GARIN1B: variants seen among roughly 807,000 people sequenced by gnomAD.
The protein encoded by GARIN1B is Golgi-associated RAB2 interactor protein 1B.
At chr7:128,713,570 T>G in the GARIN1B span, among the ~76,000 whole-genome samples, 1 of 152,180 alleles carries the variant, frequency 6.6e-6, no homozygotes, top group African/African-American at 2.4e-5. Context: ...GAGCCTAGGC[T>G]TCCCAAAGCA....
At chr7:128,720,263 A>G in the GARIN1B span, among the ~76,000 whole-genome samples, 1 of 151,170 alleles carries the variant, frequency 6.6e-6, no homozygotes, top group Non-Finnish European at 1.5e-5. Context: ...CAATGGCACA[A>G]TCTTAGCTCA....
At chr7:128,725,371 TTCCTTCC>T in the GARIN1B span, among the ~76,000 whole-genome samples, 1 of 151,502 alleles carries the variant, frequency 6.6e-6, no homozygotes, top group East Asian at 1.9e-4. Flanking sequence ...CCTTCCTTCC[TTCCTTCC>T]TTTTTCTTTC....
At chr7:128,727,903 A>G in the GARIN1B span, among the ~76,000 whole-genome samples, 2 of 152,176 alleles carry the variant, frequency 1.3e-5, no homozygotes, top group Admixed American at 1.3e-4. Flanking sequence ...TTCTTCAGTG[A>G]ATACTAAATT....
At chr7:128,731,124 C>T in the GARIN1B span, 36 of 1,609,168 alleles carry the variant, frequency 2.2e-5, no homozygotes, top group Middle Eastern at 1.6e-4. Flanking sequence ...GCCACCCTTC[C>T]GCACTGGGGA....
chr7:128,721,816 G>A, the GARIN1B span, among the ~76,000 whole-genome samples: 27 of 151,936 alleles, frequency 1.8e-4, no homozygotes, highest in African/African-American at 6.5e-4. Flanking sequence ...ATCATGAATG[G>A]GTATTAGATT....
chr7:128,721,691 T>A, the GARIN1B span, among the ~76,000 whole-genome samples: 1 of 152,204 alleles, frequency 6.6e-6, no homozygotes, highest in African/African-American at 2.4e-5. Flanking sequence ...AAACATTCAG[T>A]TTTTTGCTGT....
chr7:128,724,954 G>A, the GARIN1B span: 1 of 1,081,788 alleles, frequency 9.2e-7, no homozygotes. Context: ...TGGGGGCTCA[G>A]TCTTCAGATC....
chr7:128,718,956 T>A, the GARIN1B span: 8 of 1,614,082 alleles, frequency 5.0e-6, no homozygotes, highest in African/African-American at 1.1e-4. Context: ...GAGACTGTCT[T>A]CCACTTCTGG....
chr7:128,715,817 C>A, the GARIN1B span: 1 of 875,932 alleles, frequency 1.1e-6, no homozygotes, highest in Non-Finnish European at 1.8e-6. Context: ...GCTAGTGGAC[C>A]TGGAATGCAA....
the GARIN1B span, chr7:128,731,003 C>T: frequency 8.6e-7 from 1 of 1,163,012 alleles, no homozygotes. Context: ...AGATAGTTGA[C>T]AATTTTTTTA....
the GARIN1B span, among the ~76,000 whole-genome samples, chr7:128,711,656 CAG>C: frequency 0.028 from 2,263 of 80,208 alleles, 45 homozygotes; most frequent in East Asian, 0.12. Flanking sequence ...TTTGGTTTTA[CAG>C]ACACACACAC....
At chr7:128,731,165 T>C in the GARIN1B span, 209 of 1,521,476 alleles carry the variant, frequency 1.4e-4, 1 homozygote, top group East Asian at 2.3e-3. Context: ...AACACCACTT[T>C]GCAGCATTCA....
the GARIN1B span, chr7:128,725,020 G>T: frequency 6.9e-5 from 34 of 494,858 alleles, no homozygotes; most frequent in African/African-American, 6.4e-4. Flanking sequence ...GATCCAATGA[G>T]CTCATATGCA....
the GARIN1B span, among the ~76,000 whole-genome samples, chr7:128,714,304 C>T: frequency 1.3e-5 from 2 of 152,140 alleles, no homozygotes; most frequent in Non-Finnish European, 2.9e-5. Context: ...GGGACAGACA[C>T]AGTGGCTCAT....
the GARIN1B span, among the ~76,000 whole-genome samples, chr7:128,724,487 A>G: frequency 6.6e-6 from 1 of 152,160 alleles, no homozygotes; most frequent in Non-Finnish European, 1.5e-5. Flanking sequence ...GGAAAGCTCC[A>G]TGCTACAGAT....
the GARIN1B span, among the ~76,000 whole-genome samples, chr7:128,724,462 T>G: frequency 6.6e-6 from 1 of 152,200 alleles, no homozygotes; most frequent in Non-Finnish European, 1.5e-5. Flanking sequence ...GTTTTCTTAA[T>G]ATAGAGTCTG....
the GARIN1B span, among the ~76,000 whole-genome samples, chr7:128,728,840 C>T: frequency 6.6e-6 from 1 of 152,226 alleles, no homozygotes; most frequent in Non-Finnish European, 1.5e-5. Flanking sequence ...ACAGCTGTGG[C>T]TGCCTCACAT....
At chr7:128,715,661 T>A in the GARIN1B span, 2 of 1,614,122 alleles carry the variant, frequency 1.2e-6, no homozygotes, top group South Asian at 2.2e-5. Context: ...GTTTCTTGAC[T>A]CCGTGGTGTT....
At chr7:128,711,120 C>A in the GARIN1B span, among the ~76,000 whole-genome samples, 3 of 152,044 alleles carry the variant, frequency 2.0e-5, no homozygotes, top group East Asian at 5.8e-4. Flanking sequence ...GATCATTATT[C>A]TTTTGATATG....
Sources: gnomAD v4.1 joint callset for allele counts (sites outside exome capture counted in the v4.1 genomes callset) on GRCh38, gnomAD v4.1.1 for gene constraint, MANE v1.5 for transcripts, NCBI Gene and HGNC (gene_info 2026-07-23, HGNC 2026-07-21) for gene names.